Variants in TNPO1 observed in about 807,000 individuals in gnomAD.
TNPO1 encodes the protein transportin 1.
A neutral mutation model predicts 119.5 loss-of-function variants in TNPO1; 8 were observed. The observed-to-expected ratio is 0.07, with a 90% CI of 0.04 to 0.12. TNPO1 has a LOEUF of 0.12. TNPO1 is among the 10% of genes least tolerant of loss of function. The pLI is 1.00. For missense variants in TNPO1, 576 were observed against 1,089.8 expected, an observed-to-expected ratio of 0.53 and a Z score of 6.64; for synonymous variants, 362 against 363.0, an observed-to-expected ratio of 1.00 and a Z score of 0.03.
rs144429205 is a variant in TNPO1 at position 72,876,853 on chromosome 5, G to A, written c.802-375G>A. On this transcript the variant is annotated intron_variant, in intron 8 of 24. Transcript: ENST00000337273. Reference sequence around the variant, plus strand: ...CTCACACCTGTAATCCCAACACTTTGGGAGGCCGAGGTGGGCAGATCACGA... The same window carrying A: ...CTCACACCTGTAATCCCAACACTTTAGGAGGCCGAGGTGGGCAGATCACGA... 4.7e-3 allele frequency among the ~76,000 whole-genome samples: 721 copies of A among 152,158 alleles called. 7 individuals are homozygous for A. The highest frequency in any genetic ancestry group is 0.017 in the African/African-American group (700 of 41,520).
In TNPO1 at chr5:72,902,825, C is replaced by T. The variant is rs114097082; in HGVS notation, c.2515-884C>T. ...TAATCACAAATTCTGGGTATCTGTGCATTTAAATTTTTAACATCAGATTTG... is the reference window on the plus strand; with the variant it reads ...TAATCACAAATTCTGGGTATCTGTGTATTTAAATTTTTAACATCAGATTTG... On this transcript the variant is annotated intron_variant, in intron 22 of 24. Transcript: ENST00000337273. Among the ~76,000 whole-genome samples the T allele has an allele frequency of 5.0e-3, 764 of 152,030 alleles. 2 individuals carry two copies. Among genetic ancestry groups the T allele is most frequent in the Non-Finnish European group, 8.4e-3 (573 of 67,940 alleles).
intron 4 of TNPO1, among the ~76,000 whole-genome samples, chr5:72,858,542 A>G (rs932446057): frequency 3.3e-5 from 5 of 152,190 alleles, no homozygotes; most frequent in Non-Finnish European, 7.3e-5. Flanking sequence ...GCACAGCATT[A>G]AGACTAAAGT....
intron 24 of TNPO1, among the ~76,000 whole-genome samples, chr5:72,907,069 G>A (rs1327911289): frequency 1.3e-5 from 2 of 152,140 alleles, no homozygotes; most frequent in Non-Finnish European, 2.9e-5. Flanking sequence ...GTCTAACCTA[G>A]AAGGTAGTAG....
chr5:72,908,123 ATACT>A (rs1307508932), intron 24 of TNPO1, among the ~76,000 whole-genome samples: 1 of 152,134 alleles, frequency 6.6e-6, no homozygotes, highest in Non-Finnish European at 1.5e-5. Context: ...TTGTTTGTTG[ATACT>A]TACTGAATGT....
chr5:72,837,921 T>TG (rs2112208868), intron 1 of TNPO1, among the ~76,000 whole-genome samples: 1 of 152,338 alleles, frequency 6.6e-6, no homozygotes, highest in African/African-American at 2.4e-5. Context: ...ATGCTTCCTC[T>TG]ACTCCATCAG....
chr5:72,838,074 A>G (rs1446639818), intron 1 of TNPO1, among the ~76,000 whole-genome samples: 1 of 152,210 alleles, frequency 6.6e-6, no homozygotes, highest in Admixed American at 6.5e-5. Context: ...ACCTAATGCT[A>G]ATCAGCCTAC....
intron 4 of TNPO1, among the ~76,000 whole-genome samples, chr5:72,859,557 A>G (rs1746269878): frequency 6.6e-6 from 1 of 152,202 alleles, no homozygotes; most frequent in African/African-American, 2.4e-5. Flanking sequence ...CCTTAACAAT[A>G]CATGTTGGGA....
chr5:72,901,106 CTAAT>C (rs764338009), intron 22 of TNPO1, 33 bp downstream of exon 22: 6 of 1,397,426 alleles, frequency 4.3e-6, no homozygotes, highest in Non-Finnish European at 3.9e-6. Context: ...TTTTTAATGT[CTAAT>C]TAATAAAATT....
intron 11 of TNPO1, among the ~76,000 whole-genome samples, chr5:72,885,308 A>G (rs770632541): frequency 6.6e-6 from 1 of 152,258 alleles, no homozygotes; most frequent in Admixed American, 6.5e-5. Flanking sequence ...CATGGTGTTT[A>G]CTACTATTAC....
At chr5:72,821,464 A>C (rs942021705) in intron 1 of TNPO1, among the ~76,000 whole-genome samples, 3 of 152,226 alleles carry the variant, frequency 2.0e-5, no homozygotes, top group Non-Finnish European at 4.4e-5. Flanking sequence ...ATAAGAATAT[A>C]AAAGTACAGA....
intron 24 of TNPO1, among the ~76,000 whole-genome samples, chr5:72,907,757 G>A (rs980249458): frequency 6.6e-6 from 1 of 152,164 alleles, no homozygotes; most frequent in Admixed American, 6.5e-5. Flanking sequence ...AAGAAGGCAA[G>A]TGTAGGCAGG....
At chr5:72,905,135 G>A (rs549174759) in intron 23 of TNPO1, among the ~76,000 whole-genome samples, 168 bp from the exon 24 acceptor site, 1 of 152,322 alleles carries the variant, frequency 6.6e-6, no homozygotes, top group East Asian at 1.9e-4. Context: ...GGGACACAGA[G>A]CCAGACCATA....
chr5:72,850,220 T>C (rs181217393), intron 2 of TNPO1, among the ~76,000 whole-genome samples: 25 of 152,338 alleles, frequency 1.6e-4, no homozygotes, highest in African/African-American at 6.0e-4. Context: ...TAAAGAGATG[T>C]AGCTTAAGTT....
intron 1 of TNPO1, among the ~76,000 whole-genome samples, chr5:72,822,614 A>G (rs1170992590): frequency 7.5e-6 from 1 of 133,100 alleles, no homozygotes. Flanking sequence ...TTTTTTGGAG[A>G]TGGAGTCTCG....
chr5:72,849,682 T>C (rs2112249800), intron 2 of TNPO1, among the ~76,000 whole-genome samples: 1 of 152,352 alleles, frequency 6.6e-6, no homozygotes, highest in African/African-American at 2.4e-5. Context: ...GATTTAGATC[T>C]GCTTGGATTT....
chr5:72,856,616 G>GA (rs1746023070), intron 4 of TNPO1, among the ~76,000 whole-genome samples: 1 of 152,132 alleles, frequency 6.6e-6, no homozygotes, highest in Admixed American at 6.5e-5. Context: ...AATTGCTTAT[G>GA]AAAAACCTAA....
intron 11 of TNPO1, among the ~76,000 whole-genome samples, chr5:72,886,708 C>G (rs1748665420): frequency 6.6e-6 from 1 of 151,604 alleles, no homozygotes; most frequent in South Asian, 2.1e-4. Flanking sequence ...ACCATCCTGG[C>G]CAACATGGTG....
chr5:72,882,881 C>G (rs970301498), intron 10 of TNPO1, among the ~76,000 whole-genome samples, 183 bp from the exon 11 acceptor site: 9 of 152,096 alleles, frequency 5.9e-5, no homozygotes, highest in Non-Finnish European at 1.0e-4. Flanking sequence ...TGTGTTAGGT[C>G]AGTCTATTCG....
chr5:72,880,327 G>A (rs1405042871), intron 9 of TNPO1, among the ~76,000 whole-genome samples: 1 of 151,874 alleles, frequency 6.6e-6, no homozygotes, highest in South Asian at 2.1e-4. Flanking sequence ...TTGTGATCTG[G>A]TATAGCAGCT....
Sources: allele counts gnomAD v4.1 joint callset (sites outside exome capture counted in the v4.1 genomes callset), GRCh38; gene constraint gnomAD v4.1.1; transcripts MANE v1.5; gene names NCBI Gene and HGNC (gene_info 2026-07-23, HGNC 2026-07-21).